The following FAF1 variants were observed in gnomAD, a reference collection of about 807,000 sequenced individuals.
FAF1 encodes the protein FAS-associated factor 1.
FAF1 carries 25 observed loss-of-function variants against 92.5 expected under a neutral mutation model. The ratio of observed to expected loss-of-function variants is 0.27; its 90% CI spans 0.20 to 0.38. The LOEUF is 0.38. Among genes scored for constraint, FAF1 ranks in the 10% least tolerant of loss-of-function variants. FAF1 has a pLI of 1.00. For missense variants in FAF1, 636 were observed against 793.3 expected (o/e 0.80, Z 2.38); for synonymous variants, 234 against 273.2 (o/e 0.86, Z 1.42).
At chr1:50,794,505 T>A (rs1661672848) in intron 3 of FAF1, among the ~76,000 whole-genome samples, 1 of 152,216 alleles carries the variant, frequency 6.6e-6, no homozygotes, top group South Asian at 2.1e-4. Context: ...AGATGGTGGG[T>A]TGGCCAGCTG....
intron 7 of FAF1, among the ~76,000 whole-genome samples, chr1:50,665,866 T>C (rs1399173231): frequency 6.6e-6 from 1 of 152,116 alleles, no homozygotes; most frequent in Non-Finnish European, 1.5e-5. Flanking sequence ...TATGTATGCA[T>C]ACCATATGTA....
chr1:50,515,624 C>G (rs544755021), intron 15 of FAF1, among the ~76,000 whole-genome samples: 6 of 152,092 alleles, frequency 3.9e-5, no homozygotes, highest in Non-Finnish European at 8.8e-5. Flanking sequence ...AATGTCATAC[C>G]TATCAAATTA....
chr1:50,592,099 C>T (rs1299652388), intron 9 of FAF1, among the ~76,000 whole-genome samples: 1 of 152,080 alleles, frequency 6.6e-6, no homozygotes, highest in African/African-American at 2.4e-5. Flanking sequence ...AAAGTTACAA[C>T]CCACCCCCAT....
At position 50,458,452 on chromosome 1, in the gene FAF1, AG is replaced by A. The variant is rs1282313369; in HGVS notation, c.1870-16930del. ...AGGGAACTAATACCTGGCATACAAT[AG>A]GCACAAAAAGAAATAGCTATATTCA... is the stretch of plus-strand genomic sequence containing the variant. On this transcript the variant is annotated intron_variant, in intron 18 of 18. Transcript: ENST00000396153. Among the ~76,000 whole-genome samples the A allele has an allele frequency of 4.6e-5, 7 of 152,306 alleles. No individual in the cohort carries two copies. The South Asian group carries it at 1.5e-3, about 32-fold the overall frequency.
chr1:50,494,543 T>G (rs1024455664), intron 15 of FAF1, among the ~76,000 whole-genome samples: 3 of 152,222 alleles, frequency 2.0e-5, no homozygotes, highest in South Asian at 4.1e-4. Flanking sequence ...CTACTTGTCA[T>G]TCAAACACTC....
intron 1 of FAF1, among the ~76,000 whole-genome samples, chr1:50,956,169 A>AT (rs957124924): frequency 7.9e-5 from 12 of 151,546 alleles, no homozygotes; most frequent in African/African-American, 1.2e-4. Flanking sequence ...TTGTACCACA[A>AT]TTTTTTTTTC....
chr1:50,726,148 C>G (rs111632161), intron 6 of FAF1, among the ~76,000 whole-genome samples: 6 of 151,582 alleles, frequency 4.0e-5, no homozygotes, highest in Non-Finnish European at 8.8e-5. Flanking sequence ...CCCAGCTACT[C>G]GGGAGGCTGA....
intron 2 of FAF1, among the ~76,000 whole-genome samples, chr1:50,819,638 T>TCACACACACA (rs375892280): frequency 0.018 from 1,788 of 97,792 alleles, 55 homozygotes; most frequent in Middle Eastern, 0.027. Context: ...ACTGACTCAC[T>TCACACACACA]CACACACACA....
At chr1:50,586,570 T>C (rs1651242307) in intron 9 of FAF1, among the ~76,000 whole-genome samples, 1 of 152,192 alleles carries the variant, frequency 6.6e-6, no homozygotes, top group South Asian at 2.1e-4. Context: ...ATTTGTTGCA[T>C]GAATAAATAA....
intron 12 of FAF1, among the ~76,000 whole-genome samples, chr1:50,579,907 G>A (rs1347752767): frequency 6.6e-6 from 1 of 152,150 alleles, no homozygotes; most frequent in Non-Finnish European, 1.5e-5. Flanking sequence ...GTTTGTATAT[G>A]CACTGGATAG....
At chr1:50,895,766 T>C (rs1314972452) in intron 1 of FAF1, among the ~76,000 whole-genome samples, 1 of 152,100 alleles carries the variant, frequency 6.6e-6, no homozygotes, top group Non-Finnish European at 1.5e-5. Context: ...TGACACATCA[T>C]ATCGACAGAA....
chr1:50,797,555 T>G (rs1378064335), intron 3 of FAF1, among the ~76,000 whole-genome samples: 1 of 151,724 alleles, frequency 6.6e-6, no homozygotes, highest in East Asian at 1.9e-4. Context: ...AAAAATTAGC[T>G]AGGTGTGGTG....
At chr1:50,584,213 T>C (rs1651118598) in intron 10 of FAF1, among the ~76,000 whole-genome samples, 1 of 152,158 alleles carries the variant, frequency 6.6e-6, no homozygotes, top group Non-Finnish European at 1.5e-5. Context: ...GTAGCATGTC[T>C]TGTTATTCTA....
chr1:50,729,903 C>T (rs1465639763), intron 6 of FAF1, among the ~76,000 whole-genome samples: 1 of 152,066 alleles, frequency 6.6e-6, no homozygotes, highest in Non-Finnish European at 1.5e-5. Context: ...TGCCTGTAGT[C>T]CCAGCTACTC....
At chr1:50,833,177 C>T (rs562843528) in intron 2 of FAF1, among the ~76,000 whole-genome samples, 2 of 152,266 alleles carry the variant, frequency 1.3e-5, no homozygotes, top group East Asian at 1.9e-4. Flanking sequence ...ATTGCCCTCA[C>T]TTCAAATGCC....
intron 4 of FAF1, among the ~76,000 whole-genome samples, chr1:50,766,945 C>T (rs1188992880): frequency 6.6e-6 from 1 of 152,040 alleles, no homozygotes; most frequent in Non-Finnish European, 1.5e-5. Context: ...ACACTAGTTC[C>T]CCAGCAATAG....
At position 50,863,868 on chromosome 1, in the gene FAF1, C is replaced by T. The variant is rs535498916; in HGVS notation, c.46-5871G>A. The stretch of plus-strand genomic sequence containing the variant: ...TTGGTTGGTAAGCTACTGATTATTG[C>T]CACAATTTCAGAGCCTGTTATTGGT... On this transcript the variant is annotated intron_variant, in intron 1 of 18. Transcript: ENST00000396153. Among the ~76,000 whole-genome samples the T allele has an allele frequency of 4.6e-5, 7 of 152,178 alleles. No individual in the cohort carries two copies. In the East Asian group the frequency reaches 1.4e-3, roughly 29 times the overall value.
chr1:50,458,987 T>C (rs556763495), intron 18 of FAF1, among the ~76,000 whole-genome samples: 30 of 151,978 alleles, frequency 2.0e-4, no homozygotes, highest in African/African-American at 7.0e-4. Context: ...CTTTTTTTTT[T>C]TTGAGACAGA....
chr1:50,805,697 T>C (rs911222747), intron 2 of FAF1, among the ~76,000 whole-genome samples: 10 of 152,206 alleles, frequency 6.6e-5, no homozygotes, highest in Non-Finnish European at 1.3e-4. Context: ...ATCTTAACTT[T>C]AGTCCTTTTT....
Sources: gnomAD v4.1 joint callset for allele counts (sites outside exome capture counted in the v4.1 genomes callset) on GRCh38, gnomAD v4.1.1 for gene constraint, MANE v1.5 for transcripts, NCBI Gene and HGNC (gene_info 2026-07-23, HGNC 2026-07-21) for gene names.